Variants in KIF3B observed in about 807,000 individuals in gnomAD.
The protein encoded by KIF3B is kinesin-like protein KIF3B.
Under a neutral mutation model 74.3 loss-of-function variants are expected in KIF3B, and 38 were observed. The observed-to-expected ratio is 0.51, with a 90% confidence interval of 0.39 to 0.67. The LOEUF (loss-of-function observed/expected upper bound fraction) is 0.67, where lower values mean the gene tolerates loss of function less well. KIF3B is among the 30% of genes least tolerant of loss of function. The probability of loss-of-function intolerance (pLI) is 0.00; values close to 1 mark genes in which losing one functional copy is unlikely to be tolerated. For synonymous variants in KIF3B, 326 were observed against 342.5 expected (o/e 0.95, Z 0.53); for missense variants, 649 against 932.0 (o/e 0.70, Z 3.95).
intron 5 of KIF3B, among the ~76,000 whole-genome samples, chr20:32,323,556 C>T (rs1303991150): frequency 2.0e-5 from 3 of 151,862 alleles, no homozygotes; most frequent in East Asian, 3.9e-4. Flanking sequence ...TAGTGAGCCA[C>T]CACGCCCAGC....
intron 1 of KIF3B, among the ~76,000 whole-genome samples, chr20:32,280,530 C>G (rs2047637129): frequency 6.9e-6 from 1 of 145,858 alleles, no homozygotes; most frequent in Non-Finnish European, 1.5e-5. Context: ...CTGGCTAGCA[C>G]AGTGAAACCC....
At chr20:32,319,506 A>C (rs140372667) in intron 5 of KIF3B, among the ~76,000 whole-genome samples, 2,707 of 145,104 alleles carry the variant, frequency 0.019, 87 homozygotes, top group Admixed American at 0.084. Flanking sequence ...TTTCGTATAT[A>C]TATGAAATAT....
chr20:32,310,290 C>T lies in KIF3B; in HGVS notation c.513C>T (p.Asp171=). 6.2e-7 allele frequency: 1 copy of T among 1,613,952 alleles called. No homozygotes were observed. Among genetic ancestry groups the T allele is most frequent in the East Asian group, 2.2e-5 (1 of 44,878 alleles). ...TKRLELKERP[D]TGVYVKDLSS... is the part of the protein sequence containing the mutation. ...GGCTTGAGCTCAAAGAGAGGCCTGA[C>T]ACAGGAGTGTATGTGAAAGACCTGT... is the stretch of plus-strand genomic sequence containing the variant. Residue 171 remains aspartate (D), a synonymous_variant, in exon 2 of 9, where the codon GAC becomes GAT. Transcript: ENST00000375712. This position sits in a 1 kb window ranked among gnomAD's most constrained non-coding sequence, Gnocchi z 6.5.
chr20:32,315,969 A>T (rs1439212559), intron 2 of KIF3B, among the ~76,000 whole-genome samples: 3 of 152,116 alleles, frequency 2.0e-5, no homozygotes, highest in Non-Finnish European at 2.9e-5. Context: ...AAAAAAAAAA[A>T]TTTGTTAAAG....
intron 1 of KIF3B, among the ~76,000 whole-genome samples, chr20:32,282,013 G>A (rs2047645463): frequency 6.6e-6 from 1 of 152,172 alleles, no homozygotes; most frequent in Admixed American, 6.5e-5. Context: ...CTAGAGTAAT[G>A]AGTTGGGATT....
Position 32,333,193 on chromosome 20 carries a change from CTGTT to C in KIF3B, c.*1877_*1880del, listed in dbSNP as rs1294935791. 2 of 152,086 alleles carry C rather than the reference CTGTT, an allele frequency of 1.3e-5. No individual in the cohort carries two copies. Among genetic ancestry groups the C allele is most frequent in the Admixed American group, 6.5e-5 (1 of 15,272 alleles). The allele number at this position is 152,086 out of a possible 1,614,324, so 9.4% of individuals were successfully genotyped here. On this transcript the variant is annotated 3_prime_UTR_variant, in exon 9 of 9. Transcript: ENST00000375712. Reference sequence around the variant, plus strand: ...TCTTTCTTATTTACTAAGAATTTGCCTGTTTGAATAAGAACAAAACGCTAAGGTG... The same window carrying C: ...TCTTTCTTATTTACTAAGAATTTGCCTGAATAAGAACAAAACGCTAAGGTG...
chr20:32,316,746 C>T lies in KIF3B; in HGVS notation c.1630-10C>T. 3.7e-6 allele frequency: 6 copies of T among 1,613,724 alleles called. No homozygotes were observed. The South Asian group carries it at 5.5e-5, about 15-fold the overall frequency. On this transcript the variant is annotated splice_polypyrimidine_tract_variant and intron_variant, in intron 4 of 8. Transcript: ENST00000375712. ...GACACCCTCCTCACCTGCCTCTCCC[C>T]TCATTCCAGCTCTTCTCCAAGCTTC...
At chr20:32,315,797 T>C (rs1490564224) in intron 2 of KIF3B, among the ~76,000 whole-genome samples, 1 of 152,102 alleles carries the variant, frequency 6.6e-6, no homozygotes, top group Non-Finnish European at 1.5e-5. Flanking sequence ...CCTTTCCTCA[T>C]GATGGCATCT....
At chr20:32,326,985 C>T (rs1045458616) in intron 6 of KIF3B, 101 bp downstream of exon 6, 20 of 650,634 alleles carry the variant, frequency 3.1e-5, no homozygotes, top group African/African-American at 5.4e-5. Flanking sequence ...GATAAGAACA[C>T]AGTTTGGCTT....
intron 5 of KIF3B, among the ~76,000 whole-genome samples, chr20:32,322,315 T>G (rs891171966): frequency 2.6e-5 from 4 of 151,736 alleles, no homozygotes; most frequent in African/African-American, 9.7e-5. Context: ...ATTACTAGTA[T>G]ATAAAAATAC....
Position 32,327,653 on chromosome 20 carries a change from C to G in KIF3B, c.1960C>G (p.Arg654Gly). 6.2e-7 allele frequency: 1 copy of G among 1,611,794 alleles called. No individual in the cohort carries two copies. Among genetic ancestry groups the G allele is most frequent in the Non-Finnish European group, 8.5e-7 (1 of 1,178,552 alleles). The change falls in exon 7 of 9, where the codon CGA becomes GGA. Residue 654 changes from arginine (R) to glycine (G), a missense_variant. Coordinates refer to ENST00000375712, the MANE Select transcript of KIF3B (RefSeq NM_004798.4). Reference sequence around the variant, plus strand: ...GTCCATGATGATTCGTCCAGAGGCCCGATATAGGGTGAGAAGATCCTTCTT... The same window carrying G: ...GTCCATGATGATTCGTCCAGAGGCCGGATATAGGGTGAGAAGATCCTTCTT... Reference protein sequence around the residue: ...RMSMMIRPEARYRAENIVLLE... With the variant: ...RMSMMIRPEAGYRAENIVLLE...
At chr20:32,296,026 G>T (rs539192457) in intron 1 of KIF3B, among the ~76,000 whole-genome samples, 1 of 151,504 alleles carries the variant, frequency 6.6e-6, no homozygotes, top group South Asian at 2.1e-4. Context: ...CACCACGCCC[G>T]GCTAAGTTTT....
In KIF3B at chr20:32,331,509, G is replaced by T. The variant is rs1313188652; in HGVS notation, c.*190G>T. 5.4e-6 allele frequency: 3 copies of T among 555,488 alleles called. No individual in the cohort carries two copies. Among genetic ancestry groups the T allele is most frequent in the Non-Finnish European group, 9.4e-6 (3 of 320,292 alleles). The allele number at this position is 555,488 out of a possible 1,614,324, so 34.4% of individuals were successfully genotyped here. On this transcript the variant is annotated 3_prime_UTR_variant, in exon 9 of 9. Transcript: ENST00000375712. ...TCCTAATCTGGCACTCAGCCCCTCT[G>T]GGAAACATCTTTTAATTAGCATCTC...
rs2047731297 is a variant in KIF3B at position 32,299,392 on chromosome 20, TA to T, written c.-65-10320del. On this transcript the variant is annotated intron_variant, in intron 1 of 8. Transcript: ENST00000375712. ...AATGGTGTGTGTGTATATATATATA[TA>T]TATATATATATTTTTTTTTTTTTTT... 4.2e-3 allele frequency among the ~76,000 whole-genome samples: 197 copies of T among 47,222 alleles called. 3 individuals are homozygous for T. In the East Asian group the frequency reaches 0.1, roughly 25 times the overall value. The allele number at this position is 47,222 out of a possible 152,430, so 31.0% of individuals were successfully genotyped here. A position where few individuals can be genotyped will look rare whatever the true frequency, so the allele number is the denominator to read the frequency against.
chr20:32,296,457 C>T (rs560081723), intron 1 of KIF3B, among the ~76,000 whole-genome samples: 27 of 152,016 alleles, frequency 1.8e-4, no homozygotes, highest in Non-Finnish European at 2.9e-5. Flanking sequence ...AAAATTAGCT[C>T]GGTGTGATGG....
chr20:32,295,687 G>A (rs1252790135), intron 1 of KIF3B, among the ~76,000 whole-genome samples: 1 of 151,928 alleles, frequency 6.6e-6, no homozygotes, highest in Non-Finnish European at 1.5e-5. Flanking sequence ...TTTTAGAGCC[G>A]TCACTGCATG....
intron 1 of KIF3B, among the ~76,000 whole-genome samples, chr20:32,292,081 A>G (rs1048686838): frequency 6.6e-6 from 1 of 151,860 alleles, no homozygotes; most frequent in Non-Finnish European, 1.5e-5. Context: ...GGCCACAGGC[A>G]TATACCACCG....
At chr20:32,317,713 C>CAAGCCACA (rs2047835330) in intron 5 of KIF3B, among the ~76,000 whole-genome samples, 1 of 150,212 alleles carries the variant, frequency 6.7e-6, no homozygotes, top group Non-Finnish European at 1.5e-5. Flanking sequence ...TCACAGTTCA[C>CAAGCCACA]AGCAGCCTGT....
chr20:32,293,641 G>A (rs1294294174), intron 1 of KIF3B, among the ~76,000 whole-genome samples: 1 of 151,954 alleles, frequency 6.6e-6, no homozygotes, highest in Non-Finnish European at 1.5e-5. Context: ...AACACAAAAT[G>A]AGTTGGGGGG....
Sources: allele counts gnomAD v4.1 joint callset (sites outside exome capture counted in the v4.1 genomes callset), GRCh38; gene constraint gnomAD v4.1.1; non-coding constraint Gnocchi (gnomAD v3.1); transcripts MANE v1.5; gene names NCBI Gene and HGNC (gene_info 2026-07-23, HGNC 2026-07-21).